JARID2: variants seen among roughly 807,000 people sequenced by gnomAD.
JARID2 encodes jumonji and AT-rich interaction domain containing 2.
JARID2 carries 21 observed loss-of-function variants against 125.6 expected under a neutral mutation model. The observed-to-expected ratio is 0.17, with a 90% CI of 0.12 to 0.24. JARID2 has a LOEUF of 0.24. Ranked by LOEUF, JARID2 falls within the 10% of genes least tolerant of loss-of-function variation. JARID2 has a pLI of 1.00. For missense variants in JARID2, 1,303 were observed against 1,639.6 expected (o/e 0.79, Z 3.55); for synonymous variants, 736 against 661.6 (o/e 1.11, Z -1.73).
At chr6:15,287,288 A>C (rs1049808052) in intron 1 of JARID2, among the ~76,000 whole-genome samples, 1 of 152,214 alleles carries the variant, frequency 6.6e-6, no homozygotes, top group Non-Finnish European at 1.5e-5. Flanking sequence ...TTTTTTAAGT[A>C]AAATACCCAG....
Position 15,511,470 on chromosome 6 carries a change from C to A in JARID2, c.2952+69C>A. ...TCCTAGGCACTTGAACATGGTTTCCCATGAACCCGCCTTTCAAAGGCAATG... is the reference window on the plus strand; with the variant it reads ...TCCTAGGCACTTGAACATGGTTTCCAATGAACCCGCCTTTCAAAGGCAATG... On this transcript the variant is annotated intron_variant, in intron 13 of 17. Transcript: ENST00000341776. 2.9e-6 allele frequency: 3 copies of A among 1,040,764 alleles called. No homozygotes were observed. In the South Asian group the frequency reaches 3.8e-5, roughly 13 times the overall value. 64.5% of individuals were successfully genotyped at this position (1,040,764 alleles called of 1,614,324 possible).
intron 3 of JARID2, among the ~76,000 whole-genome samples, chr6:15,423,648 G>A (rs1028092138): frequency 6.6e-6 from 1 of 152,194 alleles, no homozygotes; most frequent in African/African-American, 2.4e-5. Context: ...GGATAATTAA[G>A]TCTGAGAGGT....
chr6:15,496,998 C>T lies in JARID2; in HGVS notation c.1773C>T (p.Pro591=), dbSNP rs138152195. ...AGTTCGGGATGTGCAGGGTGATCCC[C>T]CCTCCGGACTGGCGGCCCGAGTGCA... ...VEKFGMCRVI[P]PPDWRPECKL... is the part of the protein sequence containing the mutation. The change falls in exon 7 of 18, where the codon CCC becomes CCT. Residue 591 remains proline, a synonymous_variant. Coordinates refer to ENST00000341776, the MANE Select transcript of JARID2 (RefSeq NM_004973.4). 119 of 1,614,044 alleles carry T rather than the reference C, an allele frequency of 7.4e-5. 1 individual carries two copies. In the African/African-American group the frequency reaches 1.3e-3, roughly 18 times the overall value.
intron 2 of JARID2, among the ~76,000 whole-genome samples, chr6:15,407,646 C>T (rs1344128835): frequency 6.6e-6 from 1 of 152,164 alleles, no homozygotes; most frequent in Non-Finnish European, 1.5e-5. Flanking sequence ...TTGTCCTCTT[C>T]GTCCATCACC....
At chr6:15,501,756 C>A (rs932946319) in intron 8 of JARID2, among the ~76,000 whole-genome samples, 1 of 152,168 alleles carries the variant, frequency 6.6e-6, no homozygotes, top group African/African-American at 2.4e-5. Context: ...CGAGTCCATT[C>A]CGCCTGCCTA....
Position 15,501,113 on chromosome 6 carries a change from C to T in JARID2, c.2152C>T (p.Arg718Trp), listed in dbSNP as rs764335143. The part of the protein sequence containing the change: ...YDSLSPEEHR[R>W]LEKEVLMEKE... ...CTCCCTGTCCCCAGAGGAGCACCGG[C>T]GGCTGGAGAAGGAGGTGCTGATGGA... is the stretch of plus-strand genomic sequence containing the variant. The change falls in exon 8 of 18, where the codon CGG (arginine) becomes TGG (tryptophan). Residue 718 changes from arginine (R) to tryptophan (W), a missense_variant. Transcript: ENST00000341776. 1.1e-5 allele frequency: 18 copies of T among 1,614,084 alleles called. No individual in the cohort carries two copies. The highest frequency in any genetic ancestry group is 5.5e-5 in the South Asian group (5 of 91,068).
chr6:15,419,829 C>T (rs574085584), intron 3 of JARID2, among the ~76,000 whole-genome samples: 8 of 152,222 alleles, frequency 5.3e-5, no homozygotes, highest in East Asian at 3.9e-4. Flanking sequence ...CAATTTGATA[C>T]GATGTGCCTT....
chr6:15,305,615 C>A (rs919499627), intron 1 of JARID2, among the ~76,000 whole-genome samples: 1 of 152,204 alleles, frequency 6.6e-6, no homozygotes, highest in African/African-American at 2.4e-5. Flanking sequence ...AAAAGCACCT[C>A]ATTTTCCCCT....
chr6:15,468,708 C>G lies in JARID2; in HGVS notation c.660C>G (p.His220Gln). Reference sequence around the variant, plus strand: ...AAGGAAAAACCCACAAACATGTTCACAACGGGCATGGTAGGTCCACCGTTG... The same window carrying G: ...AAGGAAAAACCCACAAACATGTTCAGAACGGGCATGGTAGGTCCACCGTTG... The part of the protein sequence containing the change: ...PRKGKTHKHV[H>Q]NGHVFNGSSR... Residue 220 changes from histidine (H) to glutamine (Q), a missense_variant, in exon 5 of 18, where the codon CAC (histidine) becomes CAG (glutamine). Physicochemically the swap from His to Gln is conservative, Grantham distance 24 (BLOSUM62 0). Transcript: ENST00000341776. The G allele has an allele frequency of 6.2e-7, 1 of 1,612,262 alleles. No individual in the cohort carries two copies. The highest frequency in any genetic ancestry group is 8.5e-7 in the Non-Finnish European group (1 of 1,179,140).
chr6:15,499,758 C>T (rs962887789), intron 7 of JARID2, among the ~76,000 whole-genome samples: 16 of 152,252 alleles, frequency 1.1e-4, no homozygotes, highest in Admixed American at 9.8e-4. Flanking sequence ...CCCAACTCCC[C>T]TGTTCTCCAC....
chr6:15,329,991 G>A (rs1386432947), intron 1 of JARID2, among the ~76,000 whole-genome samples: 1 of 152,134 alleles, frequency 6.6e-6, no homozygotes, highest in African/African-American at 2.4e-5. Flanking sequence ...GGGTTTCTGG[G>A]TTTTTACTGT....
intron 4 of JARID2, among the ~76,000 whole-genome samples, chr6:15,456,691 A>T (rs1366515996): frequency 6.6e-6 from 1 of 151,912 alleles, no homozygotes; most frequent in African/African-American, 2.4e-5. Context: ...TGAAAATCTG[A>T]TGGATTTGGT....
intron 1 of JARID2, among the ~76,000 whole-genome samples, chr6:15,343,245 AAAAAAG>A (rs1189604269): frequency 1.1e-4 from 16 of 151,656 alleles, no homozygotes; most frequent in Admixed American, 3.3e-4. Flanking sequence ...AAAAAAAAAA[AAAAAAG>A]GGAATAGCTG....
At chr6:15,268,194 G>GT (rs1260438189) in intron 1 of JARID2, among the ~76,000 whole-genome samples, 1 of 152,132 alleles carries the variant, frequency 6.6e-6, no homozygotes, top group Non-Finnish European at 1.5e-5. Flanking sequence ...TTGGCTTTTC[G>GT]TAAGGGTAGA....
chr6:15,323,979 G>A (rs1412695008), intron 1 of JARID2, among the ~76,000 whole-genome samples: 1 of 151,652 alleles, frequency 6.6e-6, no homozygotes, highest in Non-Finnish European at 1.5e-5. Flanking sequence ...TCAGCAGATC[G>A]AGACCATCCT....
intron 2 of JARID2, among the ~76,000 whole-genome samples, chr6:15,378,840 C>G (rs1426888863): frequency 6.6e-6 from 1 of 152,138 alleles, no homozygotes; most frequent in African/African-American, 2.4e-5. Flanking sequence ...TTAAAAATAA[C>G]AGCAGAATGG....
At chr6:15,293,486 C>T (rs906018978) in intron 1 of JARID2, among the ~76,000 whole-genome samples, 1 of 152,274 alleles carries the variant, frequency 6.6e-6, no homozygotes, top group South Asian at 2.1e-4. Context: ...AATTTTTGAA[C>T]GGATGTTGTA....
intron 2 of JARID2, among the ~76,000 whole-genome samples, chr6:15,407,902 AT>A (rs2127564900): frequency 6.6e-6 from 1 of 152,310 alleles, no homozygotes; most frequent in Non-Finnish European, 1.5e-5. Context: ...TAAATTCAGA[AT>A]TGATCCCTTT....
At chr6:15,363,223 A>G (rs1046467283) in intron 1 of JARID2, among the ~76,000 whole-genome samples, 4 of 152,166 alleles carry the variant, frequency 2.6e-5, no homozygotes, top group African/African-American at 9.7e-5. Context: ...TTCCTGGAAG[A>G]CTAGGATGAA....
Sources: gnomAD v4.1 joint callset for allele counts (sites outside exome capture counted in the v4.1 genomes callset) on GRCh38, gnomAD v4.1.1 for gene constraint, MANE v1.5 for transcripts, NCBI Gene and HGNC (gene_info 2026-07-23, HGNC 2026-07-21) for gene names.